Variants in PINX1 observed in about 807,000 individuals in gnomAD.
The protein encoded by PINX1 is PIN2/TERF1-interacting telomerase inhibitor 1.
Under a neutral mutation model 25.4 loss-of-function variants are expected in PINX1, and 34 were observed. The observed-to-expected ratio is 1.34, with a 90% CI of 1.02 to 1.78. PINX1 has a LOEUF of 1.78. PINX1 is among the 40% of genes most tolerant of loss of function. The pLI, the probability that PINX1 is intolerant of heterozygous loss-of-function variation, is 0.00. For synonymous variants in PINX1, 197 were observed against 147.7 expected (o/e 1.33, Z -2.42); for missense variants, 592 against 404.9 (o/e 1.46, Z -3.97).
chr8:10,771,907 C>T (rs989086947), intron 6 of PINX1, among the ~76,000 whole-genome samples: 1 of 152,234 alleles, frequency 6.6e-6, no homozygotes, highest in South Asian at 2.1e-4. Context: ...TGCTGTCAGC[C>T]AGTTCCTTCC....
intron 6 of PINX1, among the ~76,000 whole-genome samples, chr8:10,799,967 T>C (rs1345562818): frequency 1.3e-5 from 2 of 152,192 alleles, no homozygotes; most frequent in Non-Finnish European, 1.5e-5. Flanking sequence ...AAAGGTTAAA[T>C]TCCTGCCAAA....
intron 6 of PINX1, among the ~76,000 whole-genome samples, chr8:10,807,421 C>T (rs1325841239): frequency 7.2e-6 from 1 of 138,770 alleles, no homozygotes; most frequent in Non-Finnish European, 1.5e-5. Context: ...GCTTCAACTA[C>T]TGGCTTCCTG....
rs4841442 is a variant in PINX1, at chr8:10,789,219, C to G, written c.472-23303G>C. 6.0e-3 allele frequency among the ~76,000 whole-genome samples: 909 copies of G among 152,300 alleles called. 12 individuals are homozygous for G. The highest frequency in any genetic ancestry group is 0.021 in the African/African-American group (869 of 41,552). On this transcript the variant is annotated intron_variant, in intron 6 of 6. Coordinates refer to ENST00000314787, the MANE Select transcript of PINX1 (RefSeq NM_017884.6). ...GTAACTACAGTGTAACTGAGGGGAC[C>G]CTGCATAGACAGAAGATGGGCCAGC...
At chr8:10,809,611 T>C (rs755115603) in intron 6 of PINX1, among the ~76,000 whole-genome samples, 2 of 152,228 alleles carry the variant, frequency 1.3e-5, no homozygotes, top group Admixed American at 6.5e-5. Flanking sequence ...GCTTCTTACC[T>C]GTTCCTATGC....
intron 5 of PINX1, chr8:10,825,364 A>G: frequency 1.9e-6 from 1 of 534,836 alleles, no homozygotes; most frequent in Non-Finnish European, 3.8e-6. Context: ...ATCAACAGAG[A>G]CTAGATATTA....
At chr8:10,792,842 G>C (rs1002379191) in intron 6 of PINX1, among the ~76,000 whole-genome samples, 1 of 152,126 alleles carries the variant, frequency 6.6e-6, no homozygotes, top group Admixed American at 6.5e-5. Flanking sequence ...AGCTCATAAT[G>C]TTTACTATGT....
intron 1 of PINX1, among the ~76,000 whole-genome samples, chr8:10,835,068 T>A (rs890836559): frequency 6.6e-6 from 1 of 152,250 alleles, no homozygotes; most frequent in African/African-American, 2.4e-5. Flanking sequence ...GGGCCTTCCA[T>A]ACTCCGCCAT....
chr8:10,810,183 A>G (rs971432670), intron 6 of PINX1, among the ~76,000 whole-genome samples: 1 of 152,190 alleles, frequency 6.6e-6, no homozygotes, highest in African/African-American at 2.4e-5. Flanking sequence ...GACACTGGGG[A>G]TTACAATTCA....
At chr8:10,799,891 A>G (rs1272025974) in intron 6 of PINX1, among the ~76,000 whole-genome samples, 1 of 152,240 alleles carries the variant, frequency 6.6e-6, no homozygotes. Context: ...ACATGTTCTC[A>G]ACCACGGTCT....
At chr8:10,801,341 A>C (rs1343749617) in intron 6 of PINX1, among the ~76,000 whole-genome samples, 1 of 152,252 alleles carries the variant, frequency 6.6e-6, no homozygotes, top group Non-Finnish European at 1.5e-5. Context: ...TCCTCCAAGA[A>C]AATGATGACT....
intron 6 of PINX1, among the ~76,000 whole-genome samples, chr8:10,804,095 A>G (rs1162627757): frequency 6.6e-6 from 1 of 152,218 alleles, no homozygotes; most frequent in Non-Finnish European, 1.5e-5. Context: ...GGCCTCTGTC[A>G]TATGGGCAGA....
chr8:10,777,858 C>CTGTGGAAAGACTCCA (rs2129073001), intron 6 of PINX1, among the ~76,000 whole-genome samples: 1 of 152,268 alleles, frequency 6.6e-6, no homozygotes, highest in South Asian at 2.1e-4. Context: ...TCAGATACTC[C>CTGTGGAAAGACTCCA]GTGGAAAGAC....
chr8:10,789,346 T>G (rs1273682726), intron 6 of PINX1, among the ~76,000 whole-genome samples: 1 of 152,246 alleles, frequency 6.6e-6, no homozygotes, highest in African/African-American at 2.4e-5. Context: ...ATGTGATGTT[T>G]TGACCTACAT....
intron 6 of PINX1, among the ~76,000 whole-genome samples, chr8:10,769,121 A>G (rs1031101428): frequency 6.6e-6 from 1 of 152,234 alleles, no homozygotes; most frequent in African/African-American, 2.4e-5. Context: ...GGTTCCATAT[A>G]AAATACTACC....
intron 6 of PINX1, among the ~76,000 whole-genome samples, chr8:10,811,887 G>C (rs2129083338): frequency 6.6e-6 from 1 of 152,354 alleles, no homozygotes; most frequent in Non-Finnish European, 1.5e-5. Flanking sequence ...CACCTGGGTA[G>C]AGGGGAGGGG....
intron 3 of PINX1, among the ~76,000 whole-genome samples, chr8:10,832,185 C>A (rs916801103): frequency 3.3e-5 from 5 of 152,094 alleles, no homozygotes; most frequent in African/African-American, 9.7e-5. Context: ...TGCATCAACT[C>A]CAATTTTACA....
In PINX1 at chr8:10,839,807, C is replaced by G; in HGVS notation, c.-51G>C. 2 of 1,568,050 alleles carry G rather than the reference C, an allele frequency of 1.3e-6. No individual in the cohort carries two copies. The highest frequency in any genetic ancestry group is 1.7e-6 in the Non-Finnish European group (2 of 1,151,380). ...CTCTGGACCTGGGTGACTGCGGCCA[C>G]TGGGCGGGCTGGAGACTCCAGGAGA... On this transcript the variant is annotated 5_prime_UTR_variant, in exon 1 of 7. Coordinates refer to ENST00000314787, the MANE Select transcript of PINX1 (RefSeq NM_017884.6).
chr8:10,834,704 G>A lies in PINX1; in HGVS notation c.91C>T (p.Gln31Ter). ...AWSNDDSKFG[Q>*]RMLEKMGWSK... Reference sequence around the variant, plus strand: ...CACCCCATCTTCTCTAGCATCCGCTGGCCAAACTTGGAATCGTCATTACTC... The same window carrying A: ...CACCCCATCTTCTCTAGCATCCGCTAGCCAAACTTGGAATCGTCATTACTC... The change falls in exon 2 of 7, where the codon CAG becomes TAG. Residue 31 changes from glutamine (Q) to a stop codon, truncating the protein, a stop_gained. Transcript: ENST00000314787. LOFTEE classifies it high-confidence loss of function. The A allele has an allele frequency of 3.7e-6, 6 of 1,613,832 alleles. No individual in the cohort carries two copies. Among genetic ancestry groups the A allele is most frequent in the Non-Finnish European group, 5.1e-6 (6 of 1,179,814 alleles).
intron 6 of PINX1, among the ~76,000 whole-genome samples, chr8:10,792,390 G>A (rs1014338623): frequency 2.0e-5 from 3 of 152,026 alleles, no homozygotes; most frequent in East Asian, 1.9e-4. Context: ...TGCCCCGGGG[G>A]CCACGTGCAC....
Sources: allele counts gnomAD v4.1 joint callset (sites outside exome capture counted in the v4.1 genomes callset), GRCh38; gene constraint gnomAD v4.1.1; transcripts MANE v1.5; gene names NCBI Gene and HGNC (gene_info 2026-07-23, HGNC 2026-07-21).